Variants in NDC1 observed in about 807,000 individuals in gnomAD.
The protein encoded by NDC1 is nucleoporin NDC1.
Under a neutral mutation model 89.8 loss-of-function variants are expected in NDC1, and 24 were observed. That is an observed-to-expected ratio of 0.27 (90% CI 0.19 to 0.38). NDC1 has a LOEUF of 0.38. Among genes scored for constraint, NDC1 ranks in the 10% least tolerant of loss-of-function variants. The pLI is 1.00. For missense variants in NDC1, 728 were observed against 797.6 expected, an observed-to-expected ratio of 0.91 and a Z score of 1.05; for synonymous variants, 296 against 284.8, an observed-to-expected ratio of 1.04 and a Z score of -0.39.
chr1:53,805,918 C>CA (rs1171232593), intron 9 of NDC1, among the ~76,000 whole-genome samples: 1 of 151,978 alleles, frequency 6.6e-6, no homozygotes, highest in African/African-American at 2.4e-5. Context: ...ACTAAAAATA[C>CA]AAAAAATTAG....
chr1:53,806,974 G>C (rs1271655677), intron 8 of NDC1, among the ~76,000 whole-genome samples: 1 of 151,964 alleles, frequency 6.6e-6, no homozygotes, highest in South Asian at 2.1e-4. Context: ...TGGCTGGGTG[G>C]AGTGGCTCAC....
chr1:53,800,332 C>T (rs1225494500), intron 11 of NDC1, among the ~76,000 whole-genome samples: 140 of 80,602 alleles, frequency 1.7e-3, no homozygotes, highest in South Asian at 3.4e-3. Flanking sequence ...CTACAGTCAT[C>T]TTTTTTTTTT....
chr1:53,832,466 G>A, intron 3 of NDC1, 24 bp downstream of exon 3: 2 of 1,160,654 alleles, frequency 1.7e-6, no homozygotes, highest in Non-Finnish European at 2.6e-6. Context: ...ATATTTCTAA[G>A]AAGGTTAACA....
At chr1:53,797,956 C>T (rs1647775905) in intron 11 of NDC1, among the ~76,000 whole-genome samples, 1 of 151,972 alleles carries the variant, frequency 6.6e-6, no homozygotes, top group South Asian at 2.1e-4. Context: ...ACAAAAGTCA[C>T]ACCAAAGGCT....
chr1:53,824,759 A>G (rs1480543386), intron 5 of NDC1, among the ~76,000 whole-genome samples: 1 of 152,222 alleles, frequency 6.6e-6, no homozygotes, highest in East Asian at 1.9e-4. Flanking sequence ...TACCACTCAA[A>G]CCAGCTGAAA....
intron 14 of NDC1, among the ~76,000 whole-genome samples, chr1:53,791,423 G>A (rs1384523943): frequency 1.4e-5 from 2 of 147,356 alleles, no homozygotes; most frequent in Non-Finnish European, 3.0e-5. Context: ...GCGACAGAGC[G>A]AGACTCCGTC....
At chr1:53,833,026 G>A (rs966816489) in intron 2 of NDC1, among the ~76,000 whole-genome samples, 1 of 151,674 alleles carries the variant, frequency 6.6e-6, no homozygotes, top group African/African-American at 2.4e-5. Context: ...ACAAAGGGGG[G>A]GAGAAAAAAG....
chr1:53,807,081 C>T (rs569274458), intron 8 of NDC1, among the ~76,000 whole-genome samples: 8 of 151,590 alleles, frequency 5.3e-5, no homozygotes, highest in Non-Finnish European at 1.0e-4. Flanking sequence ...CCTGTCTCTA[C>T]TAAAATTCAA....
At chr1:53,818,251 A>T (rs756886188) in intron 6 of NDC1, among the ~76,000 whole-genome samples, 7 of 152,080 alleles carry the variant, frequency 4.6e-5, no homozygotes, top group Non-Finnish European at 1.0e-4. Flanking sequence ...AGCCTGGCCA[A>T]CATGGTGAAA....
Position 53,814,223 on chromosome 1 carries a change from C to T in NDC1, c.704-4477G>A, listed in dbSNP as rs180784408. ...AAAAAAATGTAGCCGGGCGTGGTGG[C>T]GGGCACCTGTAGTTCCAGCTACTCA... On this transcript the variant is annotated intron_variant, in intron 6 of 17. Coordinates refer to ENST00000371429, the MANE Select transcript of NDC1 (RefSeq NM_018087.5). 4.7e-4 allele frequency among the ~76,000 whole-genome samples: 72 copies of T among 152,152 alleles called. No individual in the cohort carries two copies. The East Asian group carries it at 0.012, about 24-fold the overall frequency.
At chr1:53,824,921 C>A (rs1468381940) in intron 5 of NDC1, among the ~76,000 whole-genome samples, 1 of 151,638 alleles carries the variant, frequency 6.6e-6, no homozygotes, top group East Asian at 1.9e-4. Context: ...CACCTGTAAT[C>A]CCAGCACTTT....
intron 16 of NDC1, among the ~76,000 whole-genome samples, chr1:53,775,923 A>G (rs1647158913): frequency 6.6e-6 from 1 of 151,024 alleles, no homozygotes; most frequent in Non-Finnish European, 1.5e-5. Context: ...TATCTAGAAT[A>G]TCATCAACTG....
In NDC1 at chr1:53,838,267, T is replaced by C. The variant is rs1300168306; in HGVS notation, c.-6A>G. 6.5e-7 allele frequency: 1 copy of C among 1,537,038 alleles called. No homozygotes were observed. Among genetic ancestry groups the C allele is most frequent in the African/African-American group, 1.4e-5 (1 of 72,782 alleles). ...CGGCTCACGGCCGTGGCCATGGAGATGGCGGCCCCTAGTCTAGGGCGTACA... is the reference window on the plus strand; with the variant it reads ...CGGCTCACGGCCGTGGCCATGGAGACGGCGGCCCCTAGTCTAGGGCGTACA... On this transcript the variant is annotated 5_prime_UTR_variant, in exon 1 of 18. Transcript: ENST00000371429.
At chr1:53,818,844 T>C in intron 6 of NDC1, 127 bp downstream of exon 6, 1 of 552,126 alleles carries the variant, frequency 1.8e-6, no homozygotes, top group Non-Finnish European at 3.2e-6. Context: ...ATTTAAACAA[T>C]GAATCAGTTG....
intron 2 of NDC1, among the ~76,000 whole-genome samples, chr1:53,834,851 T>C (rs1649176188): frequency 6.6e-6 from 1 of 152,208 alleles, no homozygotes; most frequent in Non-Finnish European, 1.5e-5. Flanking sequence ...CTCACACCTG[T>C]AATCCCAGCA....
chr1:53,808,658 ATTT>A lies in NDC1; in HGVS notation c.756-870_756-868del, dbSNP rs141710823. Among the ~76,000 whole-genome samples the A allele has an allele frequency of 4.1e-3, 624 of 152,264 alleles. 8 individuals are homozygous for A. Among genetic ancestry groups the A allele is most frequent in the Non-Finnish European group, 2.6e-3 (177 of 68,020 alleles). On this transcript the variant is annotated intron_variant, in intron 7 of 17. Transcript: ENST00000371429. ...AGGCACTCAGCCATATACACAAAAC[ATTT>A]TTTGAGTGCAAGGAAGAAAAAAATA...
chr1:53,790,972 A>G (rs1647477451), intron 14 of NDC1, among the ~76,000 whole-genome samples: 1 of 152,144 alleles, frequency 6.6e-6, no homozygotes, highest in Admixed American at 6.5e-5. Context: ...CTGGTATCAA[A>G]CATTGGATTT....
chr1:53,827,992 A>G lies in NDC1; in HGVS notation c.455+7T>C. On this transcript the variant is annotated splice_region_variant and intron_variant, in intron 4 of 17. Coordinates refer to ENST00000371429, the MANE Select transcript of NDC1 (RefSeq NM_018087.5). ...AGATTCCTAAGGAAATATATATTTAATATTACCTGTTAGTACCAGTGCAGG... is the reference window on the plus strand; with the variant it reads ...AGATTCCTAAGGAAATATATATTTAGTATTACCTGTTAGTACCAGTGCAGG... 6.3e-7 allele frequency: 1 copy of G among 1,589,668 alleles called. No homozygotes were observed. The highest frequency in any genetic ancestry group is 8.6e-7 in the Non-Finnish European group (1 of 1,165,716).
At chr1:53,773,480 T>G (rs990911585) in intron 16 of NDC1, among the ~76,000 whole-genome samples, 2 of 152,196 alleles carry the variant, frequency 1.3e-5, no homozygotes, top group Admixed American at 1.3e-4. Context: ...TTTCCCCCTT[T>G]GCTCCCTTTA....
Sources: allele counts gnomAD v4.1 joint callset (sites outside exome capture counted in the v4.1 genomes callset), GRCh38; gene constraint gnomAD v4.1.1; transcripts MANE v1.5; gene names NCBI Gene and HGNC (gene_info 2026-07-23, HGNC 2026-07-21).